SCUBE3: variants seen among roughly 807,000 people sequenced by gnomAD.
The protein encoded by SCUBE3 is signal peptide, CUB domain and EGF like domain containing 3, also known as signal peptide, CUB and EGF-like domain-containing protein 3.
In SCUBE3, 33 loss-of-function variants were observed where a neutral mutation model predicts 116.8. The ratio of observed to expected loss-of-function variants is 0.28; its 90% CI spans 0.21 to 0.38. SCUBE3 has a LOEUF of 0.38. Among genes scored for constraint, SCUBE3 ranks in the 10% least tolerant of loss-of-function variants. The probability of loss-of-function intolerance (pLI) is 1.00; values close to 1 mark genes in which losing one functional copy is unlikely to be tolerated. For synonymous variants in SCUBE3, 418 were observed against 496.9 expected (o/e 0.84, Z 2.11); for missense variants, 1,007 against 1,324.8 (o/e 0.76, Z 3.72).
Position 35,244,536 on chromosome 6 carries a change from C to T in SCUBE3, c.2240-114C>T. 1.2e-6 allele frequency: 1 copy of T among 859,570 alleles called. No individual in the cohort carries two copies. The allele number at this position is 859,570 out of a possible 1,614,324, so 53.2% of individuals were successfully genotyped here. A position where few individuals can be genotyped will look rare whatever the true frequency, so the allele number is the denominator to read the frequency against. On this transcript the variant is annotated intron_variant, in intron 17 of 21. Transcript: ENST00000274938. The surrounding 1 kb of genome is among the most constrained non-coding windows in gnomAD (Gnocchi z 4.3). Reference sequence around the variant, plus strand: ...GAAAGATTGAGACCCTAGAAAAGAACTTTGATGTATCTGATCTCCTGATTC... The same window carrying T: ...GAAAGATTGAGACCCTAGAAAAGAATTTTGATGTATCTGATCTCCTGATTC...
chr6:35,231,193 G>A lies in SCUBE3; in HGVS notation c.335-532G>A, dbSNP rs914138799. ...AGGGCTGTGGCCTGTCCACAGAAAT[G>A]GTCCCTGCTCCACAAGGAGGTGAGG... is the stretch of plus-strand genomic sequence containing the variant. On this transcript the variant is annotated intron_variant, in intron 3 of 21. Coordinates refer to ENST00000274938, the MANE Select transcript of SCUBE3 (RefSeq NM_152753.4). The surrounding 1 kb of genome is among the most constrained non-coding windows in gnomAD (Gnocchi z 4.2). 1.3e-5 allele frequency among the ~76,000 whole-genome samples: 2 copies of A among 152,114 alleles called. No homozygotes were observed. Among genetic ancestry groups the A allele is most frequent in the Non-Finnish European group, 2.9e-5 (2 of 67,992 alleles).
rs1192336275 is a variant in SCUBE3, at chr6:35,251,694, T to A, written c.*2989T>A. On this transcript the variant is annotated 3_prime_UTR_variant, in exon 22 of 22. Transcript: ENST00000274938. The stretch of plus-strand genomic sequence containing the variant: ...AGACCACTAGGCTTCTTAATTGATG[T>A]CAAGGCAGATCTTGGTGAGCAGGTA... 1 of 152,216 alleles carries A rather than the reference T, an allele frequency of 6.6e-6. No homozygotes were observed. The highest frequency in any genetic ancestry group is 1.5e-5 in the Non-Finnish European group (1 of 68,044). The allele number at this position is 152,216 out of a possible 1,614,324, so 9.4% of individuals were successfully genotyped here.
At position 35,246,196 on chromosome 6, in the gene SCUBE3, G is replaced by GA; in HGVS notation, c.2753-9dup. 1.2e-6 allele frequency: 2 copies of GA among 1,614,070 alleles called. No homozygotes were observed. Among genetic ancestry groups the GA allele is most frequent in the Non-Finnish European group, 1.7e-6 (2 of 1,179,910 alleles). Reference sequence around the variant, plus strand: ...CGCCCCTGAGCCCCTCACCTTGGTTGACTTTGCAGAGGACTATGAGCAGCT... The same window carrying GA: ...CGCCCCTGAGCCCCTCACCTTGGTTGAACTTTGCAGAGGACTATGAGCAGCT... On this transcript the variant is annotated splice_polypyrimidine_tract_variant and intron_variant, in intron 20 of 21. Transcript: ENST00000274938.
chr6:35,236,245 C>T (rs1783764748), intron 6 of SCUBE3, among the ~76,000 whole-genome samples: 1 of 152,110 alleles, frequency 6.6e-6, no homozygotes, highest in South Asian at 2.1e-4. Context: ...ACTATATGGT[C>T]CTGCTGCCCC....
intron 1 of SCUBE3, among the ~76,000 whole-genome samples, chr6:35,218,796 C>T (rs1388284088): frequency 6.6e-6 from 1 of 152,152 alleles, no homozygotes; most frequent in African/African-American, 2.4e-5. Flanking sequence ...GGACTGGCTA[C>T]TCTCCTGTTC....
At chr6:35,223,889 A>G (rs1783213328) in intron 1 of SCUBE3, 1 of 152,182 alleles carries the variant, frequency 6.6e-6, no homozygotes, top group Non-Finnish European at 1.5e-5. Context: ...TCTGCTTCAA[A>G]AGACTCCAAC....
chr6:35,241,354 G>C lies in SCUBE3; in HGVS notation c.1195+88G>C. 1 of 1,435,326 alleles carries C rather than the reference G, an allele frequency of 7.0e-7. No individual in the cohort carries two copies. Among genetic ancestry groups the C allele is most frequent in the Non-Finnish European group, 9.6e-7 (1 of 1,043,158 alleles). The allele number at this position is 1,435,326 out of a possible 1,614,324, so 88.9% of individuals were successfully genotyped here. ...GGAAAGCATAGAGTATCACATTGGG[G>C]AAAGGTGTGAGGTGGAAAGGGTGGA... On this transcript the variant is annotated intron_variant, in intron 10 of 21. Coordinates refer to ENST00000274938, the MANE Select transcript of SCUBE3 (RefSeq NM_152753.4). This position sits in a 1 kb window ranked among gnomAD's most constrained non-coding sequence, Gnocchi z 4.1.
At chr6:35,242,078 T>C in intron 12 of SCUBE3, 126 bp from the exon 13 acceptor site, 1 of 862,644 alleles carries the variant, frequency 1.2e-6, no homozygotes, top group East Asian at 2.4e-5. Flanking sequence ...CTGATCCCCT[T>C]GACTTTCATA....
At chr6:35,242,052 C>A in intron 12 of SCUBE3, 142 bp downstream of exon 12, 1 of 835,028 alleles carries the variant, frequency 1.2e-6, no homozygotes, top group Non-Finnish European at 2.1e-6. Context: ...CTCCCTCACT[C>A]CCTCTGCCCT....
In SCUBE3 at chr6:35,232,808, T is replaced by A; in HGVS notation, c.470-42T>A. The A allele has an allele frequency of 1.2e-6, 2 of 1,602,234 alleles. No individual in the cohort carries two copies. The highest frequency in any genetic ancestry group is 1.7e-6 in the Non-Finnish European group (2 of 1,170,366). On this transcript the variant is annotated intron_variant, in intron 4 of 21. Coordinates refer to ENST00000274938, the MANE Select transcript of SCUBE3 (RefSeq NM_152753.4). This position sits in a 1 kb window ranked among gnomAD's most constrained non-coding sequence, Gnocchi z 4.2. ...CCCTGTAGTTTTTCTTTTCTAGACA[T>A]CCAGGGGTACAGAGCATTCACACCC... is the stretch of plus-strand genomic sequence containing the variant.
In SCUBE3 at chr6:35,244,160, T is replaced by G. The variant is rs1784224589; in HGVS notation, c.2239+30T>G. 2 of 1,592,620 alleles carry G rather than the reference T, an allele frequency of 1.3e-6. No individual in the cohort carries two copies. Among genetic ancestry groups the G allele is most frequent in the Non-Finnish European group, 1.7e-6 (2 of 1,165,198 alleles). On this transcript the variant is annotated intron_variant, in intron 17 of 21. Transcript: ENST00000274938. The surrounding 1 kb of genome is among the most constrained non-coding windows in gnomAD (Gnocchi z 4.3). ...GTAAGCTACTCACCTCCCTGGGGGA[T>G]GCCCCAACCCCAACTACTCCCAAAA... is the stretch of plus-strand genomic sequence containing the variant.
rs562211581 is a variant in SCUBE3, at chr6:35,235,046, C to T, written c.712+1745C>T. ...AAGAGGAAACATCATTGCCTGGGGC[C>T]GTCAGGACATTCAGATTCGGTGGGA... On this transcript the variant is annotated intron_variant, in intron 6 of 21. Coordinates refer to ENST00000274938, the MANE Select transcript of SCUBE3 (RefSeq NM_152753.4). The surrounding 1 kb of genome is among the most constrained non-coding windows in gnomAD (Gnocchi z 4.5). Among the ~76,000 whole-genome samples, 2 of 152,238 alleles carry T rather than the reference C, an allele frequency of 1.3e-5. No individual in the cohort carries two copies. The highest frequency in any genetic ancestry group is 4.8e-5 in the African/African-American group (2 of 41,522).
At chr6:35,236,048 T>G (rs1335809169) in intron 6 of SCUBE3, among the ~76,000 whole-genome samples, 4 of 152,234 alleles carry the variant, frequency 2.6e-5, no homozygotes, top group Non-Finnish European at 5.9e-5. Flanking sequence ...TCTAACTGTA[T>G]GACCTTAGGC....
At chr6:35,230,738 G>C (rs1381838101) in intron 3 of SCUBE3, among the ~76,000 whole-genome samples, 1 of 152,226 alleles carries the variant, frequency 6.6e-6, no homozygotes, top group African/African-American at 2.4e-5. Context: ...TCTCTGCCCT[G>C]GCCAGAAGGG....
Position 35,243,913 on chromosome 6 carries a change from G to A in SCUBE3, c.2072-50G>A. On this transcript the variant is annotated intron_variant, in intron 16 of 21. Transcript: ENST00000274938. This position sits in a 1 kb window ranked among gnomAD's most constrained non-coding sequence, Gnocchi z 6.6. ...CCCCTGAGATCGGGTGACCCCATGG[G>A]GATGACTCAGGACCATCCCCATCAG... is the stretch of plus-strand genomic sequence containing the variant. 1 of 1,586,204 alleles carries A rather than the reference G, an allele frequency of 6.3e-7. No homozygotes were observed. The highest frequency in any genetic ancestry group is 8.6e-7 in the Non-Finnish European group (1 of 1,160,302).
Position 35,244,783 on chromosome 6 carries a change from T to C in SCUBE3, c.2373T>C (p.Asp791=), listed in dbSNP as rs575944580. ...CAGGAAACACAAGCACAGACTTTGATGGCTCTACCAGTGTGGCCCAATGCA... is the reference window on the plus strand; with the variant it reads ...CAGGAAACACAAGCACAGACTTTGACGGCTCTACCAGTGTGGCCCAATGCA... ...RCPGNTSTDF[D]GSTSVAQCKN... is the part of the protein sequence containing the mutation. The change falls in exon 18 of 22, where the codon GAT becomes GAC. Residue 791 remains aspartate, a synonymous_variant. Transcript: ENST00000274938. This position sits in a 1 kb window ranked among gnomAD's most constrained non-coding sequence, Gnocchi z 4.3. 6.2e-7 allele frequency: 1 copy of C among 1,614,226 alleles called. No individual in the cohort carries two copies. Among genetic ancestry groups the C allele is most frequent in the East Asian group, 2.2e-5 (1 of 44,884 alleles).
rs996275391 is a variant in SCUBE3, at chr6:35,245,114, G to A, written c.2402-114G>A. 1.1e-5 allele frequency: 10 copies of A among 947,122 alleles called. No homozygotes were observed. The highest frequency in any genetic ancestry group is 6.0e-5 in the South Asian group (4 of 67,108). 58.7% of individuals were successfully genotyped at this position (947,122 alleles called of 1,614,324 possible). A position where few individuals can be genotyped will look rare whatever the true frequency, so the allele number is the denominator to read the frequency against. On this transcript the variant is annotated intron_variant, in intron 18 of 21. Transcript: ENST00000274938. This position sits in a 1 kb window ranked among gnomAD's most constrained non-coding sequence, Gnocchi z 4.2. ...TTGGAAAATAATGATGAACTAGAAC[G>A]CAGACTTCCCATAAATGTCTGACCT...
At position 35,239,910 on chromosome 6, in the gene SCUBE3, G is replaced by A; in HGVS notation, c.952+36G>A. 6.4e-7 allele frequency: 1 copy of A among 1,552,104 alleles called. No homozygotes were observed. The highest frequency in any genetic ancestry group is 8.7e-7 in the Non-Finnish European group (1 of 1,154,704). ...TCAGCCAAAGGTGAAAGCCTTAGGA[G>A]AGGTTCTTGTGGGAGAGCTTCAAGG... On this transcript the variant is annotated intron_variant, in intron 8 of 21. Coordinates refer to ENST00000274938, the MANE Select transcript of SCUBE3 (RefSeq NM_152753.4). The surrounding 1 kb of genome is among the most constrained non-coding windows in gnomAD (Gnocchi z 4.1).
In SCUBE3 at chr6:35,239,133, G is replaced by T. The variant is rs1282688003; in HGVS notation, c.830-619G>T. 6.6e-6 allele frequency among the ~76,000 whole-genome samples: 1 copy of T among 151,956 alleles called. No individual in the cohort carries two copies. The highest frequency in any genetic ancestry group is 1.5e-5 in the Non-Finnish European group (1 of 68,000). On this transcript the variant is annotated intron_variant, in intron 7 of 21. Coordinates refer to ENST00000274938, the MANE Select transcript of SCUBE3 (RefSeq NM_152753.4). This position sits in a 1 kb window ranked among gnomAD's most constrained non-coding sequence, Gnocchi z 4.1. ...GTGCTGAAAGCTGCCTCAGGCCTGA[G>T]TCTCTCCAGATCTCTCCCAGTCCAG...
Sources: gnomAD v4.1 joint callset for allele counts (sites outside exome capture counted in the v4.1 genomes callset) on GRCh38, gnomAD v4.1.1 for gene constraint, Gnocchi (gnomAD v3.1) non-coding constraint, MANE v1.5 for transcripts, NCBI Gene and HGNC (gene_info 2026-07-23, HGNC 2026-07-21) for gene names.